The following DDIAS variants were observed in gnomAD, a reference collection of about 807,000 sequenced individuals.
DDIAS encodes DNA damage induced apoptosis suppressor.
A neutral mutation model predicts 15.7 loss-of-function variants in DDIAS; 14 were observed. That is an observed-to-expected ratio of 0.89 (90% CI 0.59 to 1.39). The LOEUF is 1.39. DDIAS is among the 40% of genes most tolerant of loss of function. DDIAS has a pLI of 0.00. For synonymous variants in DDIAS, 355 were observed against 395.9 expected, an observed-to-expected ratio of 0.90 and a Z score of 1.23; for missense variants, 1,035 against 1,130.9, an observed-to-expected ratio of 0.92 and a Z score of 1.22.
chr11:82,910,279 C>CT (rs71063240), intron 1 of DDIAS, among the ~76,000 whole-genome samples: 2,181 of 129,824 alleles, frequency 0.017, 39 homozygotes, highest in Non-Finnish European at 0.026. Context: ...ACAAACCAAC[C>CT]TTTTTTTTTT....
At chr11:82,914,364 A>G (rs1220449271) in intron 2 of DDIAS, among the ~76,000 whole-genome samples, 1 of 152,222 alleles carries the variant, frequency 6.6e-6, no homozygotes, top group Non-Finnish European at 1.5e-5. Context: ...TTCAGATTCA[A>G]GATGCTCAAC....
chr11:82,902,198 G>C (rs1012062698), intron 1 of DDIAS, among the ~76,000 whole-genome samples: 5 of 152,206 alleles, frequency 3.3e-5, no homozygotes, highest in African/African-American at 1.2e-4. Context: ...AAAATGCTAT[G>C]ATGGCTTAGA....
At chr11:82,911,138 T>C (rs1206489574) in intron 1 of DDIAS, among the ~76,000 whole-genome samples, 1 of 152,198 alleles carries the variant, frequency 6.6e-6, no homozygotes, top group African/African-American at 2.4e-5. Flanking sequence ...TGCCTCAGTG[T>C]TGATGGTTGC....
chr11:82,931,938 T>C lies in DDIAS; in HGVS notation c.600T>C (p.Pro200=). ...AACTTCAGTGTGACTCTCAGGCACC[T>C]AACAATCACTTACTTGCTTTAGATC... ...FRKLQCDSQA[P]NNHLLALDHS... Residue 200 remains proline, a synonymous_variant, in exon 6 of 6, where the codon CCT becomes CCC. Coordinates refer to ENST00000533655, the MANE Select transcript of DDIAS (RefSeq NM_145018.4). 6.2e-7 allele frequency: 1 copy of C among 1,614,122 alleles called. No individual in the cohort carries two copies. Among genetic ancestry groups the C allele is most frequent in the Non-Finnish European group, 8.5e-7 (1 of 1,179,980 alleles).
Position 82,934,293 on chromosome 11 carries a change from G to A in DDIAS, c.2955G>A (p.Val985=). The change falls in exon 6 of 6, where the codon GTG becomes GTA. Residue 985 remains valine, a synonymous_variant. Coordinates refer to ENST00000533655, the MANE Select transcript of DDIAS (RefSeq NM_145018.4). ...LPFSEKGPPS[V]CETRSAWSPE... is the part of the protein sequence containing the mutation. The stretch of plus-strand genomic sequence containing the variant: ...TTTCAGAAAAAGGCCCACCTTCAGT[G>A]TGTGAAACTCGAAGTGCTTGGTCAC... The A allele has an allele frequency of 3.1e-6, 5 of 1,604,870 alleles. No individual in the cohort carries two copies. The highest frequency in any genetic ancestry group is 4.2e-6 in the Non-Finnish European group (5 of 1,177,578).
chr11:82,925,038 C>T lies in DDIAS; in HGVS notation c.114-3739C>T, dbSNP rs1333697614. ...GGAGTTTCCCAGAGGCTACATAACA[C>T]GTACTATCACAACAGATTGAGCAGA... On this transcript the variant is annotated intron_variant, in intron 3 of 5. Transcript: ENST00000533655. Among the ~76,000 whole-genome samples, 5 of 152,232 alleles carry T rather than the reference C, an allele frequency of 3.3e-5. No individual in the cohort carries two copies. The East Asian group carries it at 7.7e-4, about 24-fold the overall frequency.
chr11:82,905,035 T>C (rs1267718319), intron 1 of DDIAS, among the ~76,000 whole-genome samples: 1 of 152,238 alleles, frequency 6.6e-6, no homozygotes, highest in Non-Finnish European at 1.5e-5. Flanking sequence ...CAGCTCCCCA[T>C]ATGGCTTGTC....
rs145983744 is a variant in DDIAS, at chr11:82,921,067, G to A, written c.113+6216G>A. On this transcript the variant is annotated intron_variant, in intron 3 of 5. Coordinates refer to ENST00000533655, the MANE Select transcript of DDIAS (RefSeq NM_145018.4). ...ATAAATTTGGGAGCTCCAGTGTTAG[G>A]TGCATAAATGTTTAGGATTGTGATA... Among the ~76,000 whole-genome samples the A allele has an allele frequency of 1.9e-3, 291 of 152,160 alleles. 2 individuals carry two copies. Among genetic ancestry groups the A allele is most frequent in the African/African-American group, 6.5e-3 (270 of 41,508 alleles).
At chr11:82,921,571 C>CTTTTTTTTTTTTTTTTT (rs968751055) in intron 3 of DDIAS, among the ~76,000 whole-genome samples, 24 of 78,124 alleles carry the variant, frequency 3.1e-4, no homozygotes, top group South Asian at 9.7e-4. Context: ...TTCTTTCTTT[C>CTTTTTTTTTTTTTTTTT]TTTTTTTTTT....
In DDIAS at chr11:82,928,448, C is replaced by T. The variant is rs1860914233; in HGVS notation, c.114-329C>T. Among the ~76,000 whole-genome samples the T allele has an allele frequency of 2.0e-5, 3 of 151,954 alleles. No homozygotes were observed. The South Asian group carries it at 6.2e-4, about 32-fold the overall frequency. ...TCTCCTGACCTGGTGACCCACCCGC[C>T]TCGGCCTCCCAAAGTGCTGGGATTA... On this transcript the variant is annotated intron_variant, in intron 3 of 5. Transcript: ENST00000533655.
At chr11:82,927,466 C>G (rs181550745) in intron 3 of DDIAS, among the ~76,000 whole-genome samples, 67 of 152,300 alleles carry the variant, frequency 4.4e-4, no homozygotes, top group African/African-American at 1.5e-3. Context: ...TTTAGACTCC[C>G]CCTAGTGGCC....
chr11:82,904,677 G>A (rs1860390671), intron 1 of DDIAS, among the ~76,000 whole-genome samples: 1 of 152,170 alleles, frequency 6.6e-6, no homozygotes, highest in Non-Finnish European at 1.5e-5. Context: ...TCTGGAGTTG[G>A]AGCCCAGCAA....
At chr11:82,923,519 G>C (rs1860799395) in intron 3 of DDIAS, among the ~76,000 whole-genome samples, 1 of 152,086 alleles carries the variant, frequency 6.6e-6, no homozygotes, top group Non-Finnish European at 1.5e-5. Context: ...ATCATAATAA[G>C]TATTTTGTGC....
Position 82,933,781 on chromosome 11 carries a change from G to GACAA in DDIAS, c.2447_2450dup (p.Gln818ThrfsTer15). ...AAAAATAAGGATTTTCCCTGAAAAT[G>GACAA]ACAAACAGCAAGCCAGCCCAAGCTG... is the stretch of plus-strand genomic sequence containing the variant. On this transcript the variant is annotated frameshift_variant, in exon 6 of 6. Transcript: ENST00000533655. LOFTEE classifies it low-confidence loss of function (END_TRUNC). 1 of 1,610,832 alleles carries GACAA rather than the reference G, an allele frequency of 6.2e-7. No individual in the cohort carries two copies. The highest frequency in any genetic ancestry group is 8.5e-7 in the Non-Finnish European group (1 of 1,179,282).
chr11:82,918,975 T>C (rs1417785235), intron 3 of DDIAS, among the ~76,000 whole-genome samples: 5 of 152,214 alleles, frequency 3.3e-5, no homozygotes, highest in Admixed American at 2.6e-4. Context: ...AATTCTTTTA[T>C]CAGTTCTAGC....
chr11:82,914,069 T>C, intron 2 of DDIAS: 1 of 341,124 alleles, frequency 2.9e-6, no homozygotes, highest in Non-Finnish European at 5.6e-6. Context: ...CCTGAGTAGC[T>C]GGGATTACAG....
At chr11:82,917,215 G>C (rs10898055) in intron 3 of DDIAS, among the ~76,000 whole-genome samples, 69,679 of 151,692 alleles carry the variant, frequency 0.46, 16,087 homozygotes, top group Admixed American at 0.52. Context: ...AAGTTCTTCA[G>C]TGGTGCTTTG....
At chr11:82,910,897 T>C (rs775785566) in intron 1 of DDIAS, among the ~76,000 whole-genome samples, 1 of 152,050 alleles carries the variant, frequency 6.6e-6, no homozygotes, top group Non-Finnish European at 1.5e-5. Context: ...ATATTGTGGG[T>C]TGTGTTTCTG....
In DDIAS at chr11:82,933,626, A is replaced by C. The variant is rs759665876; in HGVS notation, c.2288A>C (p.Glu763Ala). ...CAATCAGATTCAGAATATAATTTTG[A>C]AAATAGTCAAGACTTTGTTCCATGT... ...HFQSDSEYNFENSQDFVPCSQ... is the reference protein window; with the variant it reads ...HFQSDSEYNFANSQDFVPCSQ... The change falls in exon 6 of 6, where the codon GAA becomes GCA. Residue 763 changes from glutamate to alanine, a missense_variant. Transcript: ENST00000533655. 61 of 1,613,688 alleles carry C rather than the reference A, an allele frequency of 3.8e-5. No individual in the cohort carries two copies. The highest frequency in any genetic ancestry group is 4.9e-5 in the Non-Finnish European group (58 of 1,179,924).
Sources: gnomAD v4.1 joint callset for allele counts (sites outside exome capture counted in the v4.1 genomes callset) on GRCh38, gnomAD v4.1.1 for gene constraint, MANE v1.5 for transcripts, NCBI Gene and HGNC (gene_info 2026-07-23, HGNC 2026-07-21) for gene names.